Variants in ETF1 observed in about 807,000 individuals in gnomAD.
The protein encoded by ETF1 is eukaryotic peptide chain release factor subunit 1.
Under a neutral mutation model 55.1 loss-of-function variants are expected in ETF1, and 4 were observed. The ratio of observed to expected loss-of-function variants is 0.07; its 90% CI spans 0.04 to 0.17. The LOEUF is 0.17. Among genes scored for constraint, ETF1 ranks in the 10% least tolerant of loss-of-function variants. The pLI, the probability that ETF1 is intolerant of heterozygous loss-of-function variation, is 1.00. For synonymous variants in ETF1, 157 were observed against 182.3 expected (o/e 0.86, Z 1.12); for missense variants, 142 against 523.6 (o/e 0.27, Z 7.11).
intron 2 of ETF1, among the ~76,000 whole-genome samples, chr5:138,542,304 G>A (rs1432169849): frequency 6.6e-6 from 1 of 152,214 alleles, no homozygotes; most frequent in Non-Finnish European, 1.5e-5. Context: ...GGAAGACCCA[G>A]AGAAATCAGG....
In ETF1 at chr5:138,530,282, A is replaced by AT. The variant is rs997877763; in HGVS notation, c.87-11416dup. Among the ~76,000 whole-genome samples the AT allele has an allele frequency of 3.3e-4, 49 of 150,372 alleles. 1 individual carries two copies. Among genetic ancestry groups the AT allele is most frequent in the Middle Eastern group, 6.9e-3 (2 of 290 alleles). On this transcript the variant is annotated intron_variant, in intron 2 of 10. Coordinates refer to ENST00000360541, the MANE Select transcript of ETF1 (RefSeq NM_004730.4). The stretch of plus-strand genomic sequence containing the variant: ...CAGTCTCAATTTTGAAATATGAAAG[A>AT]TTTTTTTTTTCTCTGAGACAGAGTC...
chr5:138,526,536 C>T (rs1272766740), intron 2 of ETF1, among the ~76,000 whole-genome samples: 2 of 152,030 alleles, frequency 1.3e-5, no homozygotes, highest in Non-Finnish European at 2.9e-5. Context: ...GTTTTCTTCC[C>T]GCCTACCCCC....
chr5:138,542,690 G>A (rs908654805), intron 2 of ETF1, 143 bp downstream of exon 2: 2 of 1,482,914 alleles, frequency 1.3e-6, no homozygotes, highest in South Asian at 1.3e-5. Context: ...TCGCCCCTGG[G>A]TCAGGGGCTA....
intron 6 of ETF1, among the ~76,000 whole-genome samples, chr5:138,512,248 ATATATATATATTTTTTTTT>A (rs1473180608): frequency 0.041 from 489 of 11,784 alleles, 39 homozygotes; most frequent in Non-Finnish European, 0.052. Context: ...ATATATATAT[ATATATATATATTTTTTTTT>A]TTTTTTAAAG....
chr5:138,510,967 C>T, intron 8 of ETF1, 78 bp downstream of exon 8: 1 of 1,557,396 alleles, frequency 6.4e-7, no homozygotes, highest in South Asian at 1.2e-5. Flanking sequence ...CTCCTGAAAT[C>T]AGCCATCCCT....
rs70982719 is a variant in ETF1 at position 138,534,965 on chromosome 5, C to CTTTT, written c.86+7864_86+7867dup. Among the ~76,000 whole-genome samples the CTTTT allele has an allele frequency of 8.5e-4, 108 of 126,342 alleles. 1 individual carries two copies. The highest frequency in any genetic ancestry group is 3.1e-3 in the African/African-American group (98 of 31,896). 82.9% of individuals were successfully genotyped at this position (126,342 alleles called of 152,430 possible). ...TTACTCATCCTCAGAAAACTAGTTT[C>CTTTT]TTTTTTTTTTTTTTTTTTGAGACAG... On this transcript the variant is annotated intron_variant, in intron 2 of 10. Coordinates refer to ENST00000360541, the MANE Select transcript of ETF1 (RefSeq NM_004730.4).
chr5:138,509,787 C>G (rs1404434077), intron 9 of ETF1, among the ~76,000 whole-genome samples: 1 of 148,152 alleles, frequency 6.7e-6, no homozygotes, highest in African/African-American at 2.5e-5. Flanking sequence ...CCCATCTACT[C>G]GGGAGGCTGA....
At chr5:138,510,950 C>CTGAT in intron 8 of ETF1, 95 bp downstream of exon 8, 1 of 1,538,982 alleles carries the variant, frequency 6.5e-7, no homozygotes, top group South Asian at 1.3e-5. Context: ...GATCTACCTT[C>CTGAT]TGATTGCTCC....
chr5:138,513,341 C>CCTGCCTCAGCCTCACAAGTAG (rs1764890597), intron 5 of ETF1: 1 of 397,662 alleles, frequency 2.5e-6, no homozygotes, highest in Admixed American at 6.4e-5. Flanking sequence ...AAGCAATTCT[C>CCTGCCTCAGCCTCACAAGTAG]CTGCCTCAGC....
intron 2 of ETF1, among the ~76,000 whole-genome samples, chr5:138,535,874 C>CAAAAAAAAAA (rs35261297): frequency 3.5e-5 from 2 of 57,836 alleles, no homozygotes; most frequent in African/African-American, 7.7e-5. Context: ...GACTCCGCCT[C>CAAAAAAAAAA]AAAAAAAAAA....
Position 138,542,598 on chromosome 5 carries a change from C to A in ETF1, c.86+235G>T, listed in dbSNP as rs990864333. On this transcript the variant is annotated intron_variant, in intron 2 of 10. Transcript: ENST00000360541. The stretch of plus-strand genomic sequence containing the variant: ...TAGCGGTGGCCTACCACGAGGGGGG[C>A]CGAGTGATCTAAACCGGGGAGCGCG... 2.1e-6 allele frequency: 3 copies of A among 1,398,080 alleles called. No homozygotes were observed. The African/African-American group carries it at 4.4e-5, about 21-fold the overall frequency. The allele number at this position is 1,398,080 out of a possible 1,614,324, so 86.6% of individuals were successfully genotyped here. A position where few individuals can be genotyped will look rare whatever the true frequency, so the allele number is the denominator to read the frequency against.
At chr5:138,536,353 C>T (rs1362833812) in intron 2 of ETF1, among the ~76,000 whole-genome samples, 2 of 152,186 alleles carry the variant, frequency 1.3e-5, no homozygotes, top group East Asian at 3.8e-4. Flanking sequence ...GTCAAGTCCT[C>T]TGAACCTGAA....
Position 138,507,875 on chromosome 5 carries a change from A to C in ETF1, c.*430T>G, listed in dbSNP as rs939404870. The C allele has an allele frequency of 6.3e-6, 1 of 158,232 alleles. No individual in the cohort carries two copies. Among genetic ancestry groups the C allele is most frequent in the Non-Finnish European group, 1.4e-5 (1 of 71,648 alleles). 9.8% of individuals were successfully genotyped at this position (158,232 alleles called of 1,614,324 possible). A position where few individuals can be genotyped will look rare whatever the true frequency, so the allele number is the denominator to read the frequency against. Reference sequence around the variant, plus strand: ...GGTCACTGCGAAATGCAGCAATTTAATTTTTCTCCAATCAAAATAAGAAAC... The same window carrying C: ...GGTCACTGCGAAATGCAGCAATTTACTTTTTCTCCAATCAAAATAAGAAAC... On this transcript the variant is annotated 3_prime_UTR_variant, in exon 11 of 11. Coordinates refer to ENST00000360541, the MANE Select transcript of ETF1 (RefSeq NM_004730.4).
At chr5:138,510,666 T>C in intron 8 of ETF1, 37 bp from the exon 9 acceptor site, 3 of 1,611,320 alleles carry the variant, frequency 1.9e-6, no homozygotes, top group Non-Finnish European at 2.5e-6. Flanking sequence ...TTAACCTGGC[T>C]CTCATATACT....
intron 2 of ETF1, among the ~76,000 whole-genome samples, chr5:138,540,517 T>C (rs1437790365): frequency 1.3e-5 from 2 of 152,122 alleles, no homozygotes; most frequent in Non-Finnish European, 2.9e-5. Context: ...GCAATGAAAA[T>C]ATTCCCACCT....
chr5:138,510,504 G>T, intron 9 of ETF1, 61 bp downstream of exon 9: 1 of 1,313,680 alleles, frequency 7.6e-7, no homozygotes, highest in Non-Finnish European at 1.1e-6. Context: ...TACACAGCCA[G>T]TACTCTAACA....
intron 2 of ETF1, among the ~76,000 whole-genome samples, chr5:138,519,479 G>C (rs1765148150): frequency 6.6e-6 from 1 of 151,358 alleles, no homozygotes; most frequent in Non-Finnish European, 1.5e-5. Flanking sequence ...CTGGCCAACA[G>C]AGTGAAACCT....
intron 2 of ETF1, among the ~76,000 whole-genome samples, chr5:138,536,313 A>C (rs1191996893): frequency 6.6e-6 from 1 of 152,230 alleles, no homozygotes; most frequent in Non-Finnish European, 1.5e-5. Flanking sequence ...TATCTGTATG[A>C]TAAGAACCAG....
chr5:138,512,875 C>T lies in ETF1; in HGVS notation c.621G>A (p.Glu207=). The T allele has an allele frequency of 6.3e-7, 1 of 1,589,100 alleles. No homozygotes were observed. Among genetic ancestry groups the T allele is most frequent in the Middle Eastern group, 1.7e-4 (1 of 6,030 alleles). Residue 207 remains glutamate, a synonymous_variant, in exon 6 of 11, where the codon GAG becomes GAA. Coordinates refer to ENST00000360541, the MANE Select transcript of ETF1 (RefSeq NM_004730.4). ...KRHNYVRKVA[E]TAVQLFISGD... ...CAGAAATAAACAGCTGCACAGCAGT[C>T]TCTGCTACTTTCCGAACATAGTTAT...
Sources: gnomAD v4.1 joint callset for allele counts (sites outside exome capture counted in the v4.1 genomes callset) on GRCh38, gnomAD v4.1.1 for gene constraint, MANE v1.5 for transcripts, NCBI Gene and HGNC (gene_info 2026-07-23, HGNC 2026-07-21) for gene names.